The following GNPAT variants were observed in gnomAD, a reference collection of about 807,000 sequenced individuals.
The protein encoded by GNPAT is dihydroxyacetone phosphate acyltransferase.
A neutral mutation model predicts 78.4 loss-of-function variants in GNPAT; 30 were observed. The observed-to-expected ratio is 0.38, with a 90% CI of 0.29 to 0.52. The LOEUF (loss-of-function observed/expected upper bound fraction) is 0.52, where lower values mean the gene tolerates loss of function less well. Among genes scored for constraint, GNPAT ranks in the 20% least tolerant of loss-of-function variants. The pLI is 0.84. For missense variants in GNPAT, 714 were observed against 812.2 expected, an observed-to-expected ratio of 0.88 and a Z score of 1.47; for synonymous variants, 271 against 281.1, an observed-to-expected ratio of 0.96 and a Z score of 0.36.
chr1:231,252,106 A>G (rs564236857), intron 2 of GNPAT, among the ~76,000 whole-genome samples: 5 of 152,226 alleles, frequency 3.3e-5, no homozygotes, highest in Non-Finnish European at 7.3e-5. Flanking sequence ...ACAATCGGCT[A>G]ATGTTTTAGA....
chr1:231,277,380 C>CTT, intron 15 of GNPAT, 119 bp from the exon 16 acceptor site: 1 of 753,114 alleles, frequency 1.3e-6, no homozygotes, highest in Non-Finnish European at 2.4e-6. Context: ...TACTGGCCAG[C>CTT]CTGTGAAGCT....
At chr1:231,253,417 G>A (rs1447169108) in intron 2 of GNPAT, among the ~76,000 whole-genome samples, 1 of 152,238 alleles carries the variant, frequency 6.6e-6, no homozygotes. Flanking sequence ...AAAGACAGTT[G>A]TCAAGCTTTA....
chr1:231,246,865 C>A (rs185535850), intron 1 of GNPAT, among the ~76,000 whole-genome samples: 2 of 152,306 alleles, frequency 1.3e-5, no homozygotes, highest in Admixed American at 6.5e-5. Flanking sequence ...AATGTGCAGC[C>A]TGAGTTTAAA....
At chr1:231,269,540 G>A (rs1257521968) in intron 9 of GNPAT, among the ~76,000 whole-genome samples, 5 of 152,152 alleles carry the variant, frequency 3.3e-5, no homozygotes, top group Non-Finnish European at 4.4e-5. Context: ...CAAGAGATGA[G>A]GAGGATTTAC....
chr1:231,260,735 T>TA (rs759000071), intron 3 of GNPAT, 52 bp downstream of exon 3: 35 of 1,199,702 alleles, frequency 2.9e-5, no homozygotes, highest in Admixed American at 1.4e-4. Flanking sequence ...ATCTTAAAAT[T>TA]AAACAAAAAA....
chr1:231,255,395 G>A (rs546976088), intron 2 of GNPAT, among the ~76,000 whole-genome samples: 45 of 151,652 alleles, frequency 3.0e-4, no homozygotes, highest in African/African-American at 9.7e-4. Flanking sequence ...CTTCCCCCTC[G>A]TCTACCTCTC....
chr1:231,266,037 C>T lies in GNPAT; in HGVS notation c.796C>T (p.Pro266Ser). The T allele has an allele frequency of 6.2e-7, 1 of 1,612,294 alleles. No homozygotes were observed. The highest frequency in any genetic ancestry group is 8.5e-7 in the Non-Finnish European group (1 of 1,178,916). ...AGGTCTTCTGAATATTGTGATGGAG[C>T]CATTTTTTAAAAGAGAAGTTTTTGA... ...KFGLLNIVME[P>S]FFKREVFDTY... The change falls in exon 7 of 16, where the codon CCA becomes TCA. Residue 266 changes from proline to serine, a missense_variant. Coordinates refer to ENST00000366647, the MANE Select transcript of GNPAT (RefSeq NM_014236.4).
chr1:231,254,221 G>A (rs371091517), intron 2 of GNPAT, among the ~76,000 whole-genome samples: 1 of 152,198 alleles, frequency 6.6e-6, no homozygotes, highest in Non-Finnish European at 1.5e-5. Context: ...TGGCTGTGCT[G>A]CTGAGAAAAA....
At chr1:231,261,373 G>A (rs1435823818) in intron 3 of GNPAT, among the ~76,000 whole-genome samples, 4 of 151,240 alleles carry the variant, frequency 2.6e-5, no homozygotes, top group Non-Finnish European at 5.9e-5. Context: ...ATTTTGAAGT[G>A]TGAAATGGTT....
At chr1:231,242,426 A>G (rs1319901431) in intron 1 of GNPAT, among the ~76,000 whole-genome samples, 2 of 152,330 alleles carry the variant, frequency 1.3e-5, no homozygotes, top group East Asian at 1.9e-4. Flanking sequence ...AAGAGAATAT[A>G]TGGGTTCCTT....
chr1:231,266,130 C>T lies in GNPAT; in HGVS notation c.889C>T (p.Leu297Phe). 6.2e-7 allele frequency: 1 copy of T among 1,612,468 alleles called. No individual in the cohort carries two copies. Among genetic ancestry groups the T allele is most frequent in the Non-Finnish European group, 8.5e-7 (1 of 1,178,656 alleles). Residue 297 changes from leucine (L) to phenylalanine (F), a missense_variant, in exon 7 of 16, where the codon CTT becomes TTT. Leu to Phe is a conservative substitution (Grantham distance 22). Coordinates refer to ENST00000366647, the MANE Select transcript of GNPAT (RefSeq NM_014236.4). ...ILEETLYVYE[L>F]LGVPKPKEST... ...GGAAGAAACTCTTTATGTGTATGAG[C>T]TTCTAGGGGTTCCTAAACCAAAAGA...
intron 1 of GNPAT, among the ~76,000 whole-genome samples, chr1:231,248,296 A>G (rs910977822): frequency 2.0e-5 from 3 of 152,220 alleles, no homozygotes; most frequent in Non-Finnish European, 4.4e-5. Flanking sequence ...ATCATAAGAG[A>G]AAATATATTT....
At chr1:231,268,905 C>CA (rs34988391) in intron 9 of GNPAT, among the ~76,000 whole-genome samples, 81,084 of 135,584 alleles carry the variant, frequency 0.6, 22,892 homozygotes, top group African/African-American at 0.65. Flanking sequence ...GATTCCGTCT[C>CA]AAAAAAAAAA....
At chr1:231,253,912 G>T (rs1684968066) in intron 2 of GNPAT, among the ~76,000 whole-genome samples, 1 of 152,104 alleles carries the variant, frequency 6.6e-6, no homozygotes. Flanking sequence ...AACTGGTCTG[G>T]GATAGGACCC....
At chr1:231,272,520 A>G in intron 11 of GNPAT, 129 bp downstream of exon 11, 3 of 679,822 alleles carry the variant, frequency 4.4e-6, no homozygotes, top group Non-Finnish European at 5.6e-6. Flanking sequence ...GCAGACTTCA[A>G]GAGAAACTGG....
At chr1:231,265,904 T>C (rs892657408) in intron 6 of GNPAT, 110 bp from the exon 7 acceptor site, 2 of 1,071,488 alleles carry the variant, frequency 1.9e-6, no homozygotes, top group African/African-American at 1.6e-5. Flanking sequence ...TAACTGTTGA[T>C]ATTTACGGGA....
At chr1:231,245,357 T>C (rs538717142) in intron 1 of GNPAT, among the ~76,000 whole-genome samples, 1 of 151,992 alleles carries the variant, frequency 6.6e-6, no homozygotes, top group Admixed American at 6.5e-5. Context: ...TGATCCTCCC[T>C]CCTCAGCCTC....
chr1:231,274,199 A>G, intron 12 of GNPAT, 137 bp downstream of exon 12: 1 of 813,808 alleles, frequency 1.2e-6, no homozygotes, highest in East Asian at 2.5e-5. Context: ...AGTGACTAAT[A>G]CGATCAGTGA....
chr1:231,272,180 A>G (rs1685588116), intron 10 of GNPAT, 132 bp from the exon 11 acceptor site: 1 of 663,556 alleles, frequency 1.5e-6, no homozygotes, highest in Middle Eastern at 3.7e-4. Context: ...CCCTCAGGGG[A>G]CTTAATTCTT....
Sources: allele counts gnomAD v4.1 joint callset (sites outside exome capture counted in the v4.1 genomes callset), GRCh38; gene constraint gnomAD v4.1.1; transcripts MANE v1.5; gene names NCBI Gene and HGNC (gene_info 2026-07-23, HGNC 2026-07-21).